KCNQ1: variants seen among roughly 807,000 people sequenced by gnomAD.
The protein encoded by KCNQ1 is potassium voltage-gated channel subfamily KQT member 1.
Under a neutral mutation model 72.4 loss-of-function variants are expected in KCNQ1, and 49 were observed. That is an observed-to-expected ratio of 0.68 (90% confidence interval 0.54 to 0.86). The LOEUF (loss-of-function observed/expected upper bound fraction) is 0.86, where lower values mean the gene tolerates loss of function less well. Among genes scored for constraint, KCNQ1 ranks in the 40% least tolerant of loss-of-function variants. The probability of loss-of-function intolerance (pLI) is 0.00; values close to 1 mark genes in which losing one functional copy is unlikely to be tolerated. For missense variants in KCNQ1, 790 were observed against 945.1 expected, an observed-to-expected ratio of 0.84 and a Z score of 2.15; for synonymous variants, 450 against 412.6, an observed-to-expected ratio of 1.09 and a Z score of -1.10.
At chr11:2,743,429 T>C (rs537145966) in intron 11 of KCNQ1, among the ~76,000 whole-genome samples, 1 of 152,212 alleles carries the variant, frequency 6.6e-6, no homozygotes, top group Non-Finnish European at 1.5e-5. Context: ...GTAGAAATTA[T>C]CCCAGCTTTT....
intron 2 of KCNQ1, among the ~76,000 whole-genome samples, chr11:2,535,740 T>G (rs3782063): frequency 1.3e-5 from 2 of 152,090 alleles, no homozygotes; most frequent in African/African-American, 4.8e-5. Context: ...CCTGAAGACC[T>G]GGGACCAGGC....
At position 2,579,317 on chromosome 11, in the gene KCNQ1, C is replaced by T. The variant is rs1236852270; in HGVS notation, c.922-4118C>T. ...TTCACATGGGAGTGAAGGCACAGGCCAGCAGGAGGGCGGGGGAAACACACT... is the reference window on the plus strand; with the variant it reads ...TTCACATGGGAGTGAAGGCACAGGCTAGCAGGAGGGCGGGGGAAACACACT... On this transcript the variant is annotated intron_variant, in intron 6 of 15. Coordinates refer to ENST00000155840, the MANE Select transcript of KCNQ1 (RefSeq NM_000218.3). The surrounding 1 kb of genome is among the most constrained non-coding windows in gnomAD (Gnocchi z 6.0). Among the ~76,000 whole-genome samples, 1 of 152,198 alleles carries T rather than the reference C, an allele frequency of 6.6e-6. No homozygotes were observed. Among genetic ancestry groups the T allele is most frequent in the African/African-American group, 2.4e-5 (1 of 41,448 alleles).
rs185182768 is a variant in KCNQ1, at chr11:2,497,776, G to A, written c.387-30152G>A. Among the ~76,000 whole-genome samples, 352 of 152,302 alleles carry A rather than the reference G, an allele frequency of 2.3e-3. No individual in the cohort carries two copies. Among genetic ancestry groups the A allele is most frequent in the African/African-American group, 7.9e-3 (329 of 41,578 alleles). On this transcript the variant is annotated intron_variant, in intron 1 of 15. Coordinates refer to ENST00000155840, the MANE Select transcript of KCNQ1 (RefSeq NM_000218.3). This position sits in a 1 kb window ranked among gnomAD's most constrained non-coding sequence, Gnocchi z 4.5. ...GGTTTTTAGAATGTTCAGCATTTTTGTGCTGGTTTTTCCTCATCTTTGTGG... is the reference window on the plus strand; with the variant it reads ...GGTTTTTAGAATGTTCAGCATTTTTATGCTGGTTTTTCCTCATCTTTGTGG...
Position 2,562,963 on chromosome 11 carries a change from C to T in KCNQ1, c.478-7665C>T, listed in dbSNP as rs1359188853. On this transcript the variant is annotated intron_variant, in intron 2 of 15. Coordinates refer to ENST00000155840, the MANE Select transcript of KCNQ1 (RefSeq NM_000218.3). This position sits in a 1 kb window ranked among gnomAD's most constrained non-coding sequence, Gnocchi z 7.5. ...GATAATAGAAGAGTAATATCAGAGA[C>T]ACTAAAGTCCTCGCGATAAGGGTCT... Among the ~76,000 whole-genome samples, 1 of 152,186 alleles carries T rather than the reference C, an allele frequency of 6.6e-6. No homozygotes were observed. Among genetic ancestry groups the T allele is most frequent in the Non-Finnish European group, 1.5e-5 (1 of 68,050 alleles).
intron 11 of KCNQ1, among the ~76,000 whole-genome samples, chr11:2,717,870 C>T (rs193079877): frequency 5.8e-4 from 89 of 152,318 alleles, no homozygotes; most frequent in South Asian, 1.2e-3. Flanking sequence ...ATGGCCCACT[C>T]GCCCCAGGGC....
In KCNQ1 at chr11:2,734,151, C is replaced by T. The variant is rs978122980; in HGVS notation, c.1515-34693C>T. 3.9e-5 allele frequency among the ~76,000 whole-genome samples: 6 copies of T among 152,106 alleles called. No individual in the cohort carries two copies. Among genetic ancestry groups the T allele is most frequent in the East Asian group, 1.9e-4 (1 of 5,170 alleles). On this transcript the variant is annotated intron_variant, in intron 11 of 15. Coordinates refer to ENST00000155840, the MANE Select transcript of KCNQ1 (RefSeq NM_000218.3). This position sits in a 1 kb window ranked among gnomAD's most constrained non-coding sequence, Gnocchi z 7.0. ...GTGGTCCTGCTCCGGCCCCAGGGCC[C>T]GCAGGTGTGTGTGAGAGGTGCATGG... is the stretch of plus-strand genomic sequence containing the variant.
intron 11 of KCNQ1, 117 bp downstream of exon 11, chr11:2,662,198 C>A: frequency 7.1e-7 from 1 of 1,408,744 alleles, no homozygotes. Flanking sequence ...TCGCCTAGTG[C>A]CCACCACTTG....
At chr11:2,776,611 T>C (rs1423700239) in intron 13 of KCNQ1, among the ~76,000 whole-genome samples, 1 of 152,136 alleles carries the variant, frequency 6.6e-6, no homozygotes, top group Non-Finnish European at 1.5e-5. Context: ...GCCTCCGAGA[T>C]GGGCTCGCCT....
At chr11:2,838,945 G>A (rs954734438) in intron 15 of KCNQ1, among the ~76,000 whole-genome samples, 18 of 152,270 alleles carry the variant, frequency 1.2e-4, no homozygotes, top group African/African-American at 2.4e-4. Context: ...CAGCCTGCCC[G>A]ACGTTCCTGC....
In KCNQ1 at chr11:2,623,141, C is replaced by G. The variant is rs1009521904; in HGVS notation, c.1393+34287C>G. ...ACTTCCCATCTCACTTTCTTTCCCT[C>G]TCCTGTTCTGCCATGGTAAAGATGT... On this transcript the variant is annotated intron_variant, in intron 10 of 15. Coordinates refer to ENST00000155840, the MANE Select transcript of KCNQ1 (RefSeq NM_000218.3). This position sits in a 1 kb window ranked among gnomAD's most constrained non-coding sequence, Gnocchi z 5.2. 4 of 398,564 alleles carry G rather than the reference C, an allele frequency of 1.0e-5. No homozygotes were observed. Among genetic ancestry groups the G allele is most frequent in the African/African-American group, 6.2e-5 (3 of 48,620 alleles). 24.7% of individuals were successfully genotyped at this position (398,564 alleles called of 1,614,324 possible). A position where few individuals can be genotyped will look rare whatever the true frequency, so the allele number is the denominator to read the frequency against.
chr11:2,454,041 A>C (rs1846150025), intron 1 of KCNQ1, among the ~76,000 whole-genome samples: 1 of 152,158 alleles, frequency 6.6e-6, no homozygotes, highest in African/African-American at 2.4e-5. Flanking sequence ...AAGTGCTTAG[A>C]TTACAGGTAT....
chr11:2,670,071 G>T lies in KCNQ1; in HGVS notation c.1514+7990G>T. On this transcript the variant is annotated intron_variant, in intron 11 of 15. Coordinates refer to ENST00000155840, the MANE Select transcript of KCNQ1 (RefSeq NM_000218.3). This position sits in a 1 kb window ranked among gnomAD's most constrained non-coding sequence, Gnocchi z 4.9. ...CTCACTATTCTGCTCTGGGGAGGGGGTTGGAGGCAGAATCAGTGGACTGTG... is the reference window on the plus strand; with the variant it reads ...CTCACTATTCTGCTCTGGGGAGGGGTTTGGAGGCAGAATCAGTGGACTGTG... The T allele has an allele frequency of 2.5e-6, 1 of 398,708 alleles. No individual in the cohort carries two copies. Among genetic ancestry groups the T allele is most frequent in the Non-Finnish European group, 4.4e-6 (1 of 226,126 alleles). The allele number at this position is 398,708 out of a possible 1,614,324, so 24.7% of individuals were successfully genotyped here. A position where few individuals can be genotyped will look rare whatever the true frequency, so the allele number is the denominator to read the frequency against.
At chr11:2,681,925 G>A (rs904029271) in intron 11 of KCNQ1, 1 of 398,484 alleles carries the variant, frequency 2.5e-6, no homozygotes, top group African/African-American at 2.1e-5. Context: ...CGTTTAGGCT[G>A]AAGAATAATC....
In KCNQ1 at chr11:2,762,111, T is replaced by C. The variant is rs1275077794; in HGVS notation, c.1515-6733T>C. 6.6e-6 allele frequency among the ~76,000 whole-genome samples: 1 copy of C among 152,150 alleles called. No individual in the cohort carries two copies. Among genetic ancestry groups the C allele is most frequent in the Non-Finnish European group, 1.5e-5 (1 of 68,022 alleles). On this transcript the variant is annotated intron_variant, in intron 11 of 15. Transcript: ENST00000155840. This position sits in a 1 kb window ranked among gnomAD's most constrained non-coding sequence, Gnocchi z 4.3. The stretch of plus-strand genomic sequence containing the variant: ...CCCCGTTCCCTGCCTGCTCCCAGGC[T>C]GTTTGGGGTGATGGAAAGAGGCCAG...
At chr11:2,591,596 G>A (rs1425889465) in intron 10 of KCNQ1, among the ~76,000 whole-genome samples, 3 of 152,240 alleles carry the variant, frequency 2.0e-5, no homozygotes, top group Admixed American at 1.3e-4. Context: ...GCCTGTGTGC[G>A]GCCTGGAGAA....
rs1847864875 is a variant in KCNQ1, at chr11:2,544,166, T to C, written c.477+16148T>C. On this transcript the variant is annotated intron_variant, in intron 2 of 15. Coordinates refer to ENST00000155840, the MANE Select transcript of KCNQ1 (RefSeq NM_000218.3). The surrounding 1 kb of genome is among the most constrained non-coding windows in gnomAD (Gnocchi z 4.4). The stretch of plus-strand genomic sequence containing the variant: ...ATTGCATTCAACCTAAAGATCAACA[T>C]GGGGAGAATTGATGTCTTAACCAAT... Among the ~76,000 whole-genome samples the C allele has an allele frequency of 6.6e-6, 1 of 151,980 alleles. No homozygotes were observed. Among genetic ancestry groups the C allele is most frequent in the South Asian group, 2.1e-4 (1 of 4,830 alleles).
chr11:2,587,404 T>C (rs1848606691), intron 8 of KCNQ1, among the ~76,000 whole-genome samples, 166 bp from the exon 9 acceptor site: 1 of 152,014 alleles, frequency 6.6e-6, no homozygotes, highest in Non-Finnish European at 1.5e-5. Flanking sequence ...GGGCAGAGGG[T>C]CTGGGAGCTG....
chr11:2,774,538 C>T (rs969641889), intron 12 of KCNQ1, among the ~76,000 whole-genome samples: 8 of 152,202 alleles, frequency 5.3e-5, no homozygotes, highest in South Asian at 2.1e-4. Context: ...ACTTCTGAGG[C>T]CCAGCCTTTG....
In KCNQ1 at chr11:2,484,097, G is replaced by C. The variant is rs1268042065; in HGVS notation, c.386+38613G>C. Among the ~76,000 whole-genome samples, 1 of 152,176 alleles carries C rather than the reference G, an allele frequency of 6.6e-6. No homozygotes were observed. Among genetic ancestry groups the C allele is most frequent in the Non-Finnish European group, 1.5e-5 (1 of 68,032 alleles). ...TGTATCCAGTGGCTTATGTATATCA[G>C]CATGGTTTCATAGATACTTCTTTTG... is the stretch of plus-strand genomic sequence containing the variant. On this transcript the variant is annotated intron_variant, in intron 1 of 15. Coordinates refer to ENST00000155840, the MANE Select transcript of KCNQ1 (RefSeq NM_000218.3). This position sits in a 1 kb window ranked among gnomAD's most constrained non-coding sequence, Gnocchi z 5.2.
Sources: allele counts gnomAD v4.1 joint callset (sites outside exome capture counted in the v4.1 genomes callset), GRCh38; gene constraint gnomAD v4.1.1; non-coding constraint Gnocchi (gnomAD v3.1); transcripts MANE v1.5; gene names NCBI Gene and HGNC (gene_info 2026-07-23, HGNC 2026-07-21).